Variants in TNFRSF8 observed in about 807,000 individuals in gnomAD.
TNFRSF8 encodes tumor necrosis factor receptor superfamily member 8.
In TNFRSF8, 26 loss-of-function variants were observed where a neutral mutation model predicts 70.8. The ratio of observed to expected loss-of-function variants is 0.37; its 90% CI spans 0.27 to 0.51. TNFRSF8 has a LOEUF of 0.51. TNFRSF8 is among the 20% of genes least tolerant of loss of function. The pLI is 0.94. For missense variants in TNFRSF8, 720 were observed against 807.9 expected (o/e 0.89, Z 1.32); for synonymous variants, 356 against 339.2 (o/e 1.05, Z -0.54).
chr1:12,081,657 C>CA (rs398102446), intron 1 of TNFRSF8, among the ~76,000 whole-genome samples: 47,714 of 145,594 alleles, frequency 0.33, 8,089 homozygotes, highest in African/African-American at 0.44. Context: ...TTCAGACATG[C>CA]AAAAAAAAAA....
chr1:12,111,972 G>T lies in TNFRSF8; in HGVS notation c.751G>T (p.Asp251Tyr), dbSNP rs1355794313. ...GCAGTGTGAGCCCGACTACTACCTG[G>T]ACGAGGCCGGCCGCTGCACGGCCTG... ...RKQCEPDYYL[D>Y]EAGRCTACVS... is the part of the protein sequence containing the mutation. The change falls in exon 7 of 15, where the codon GAC (aspartate) becomes TAC (tyrosine). Residue 251 changes from aspartate to tyrosine, a missense_variant. By Grantham distance (160) the Asp-to-Tyr change is radical. Transcript: ENST00000263932. 1 of 1,614,234 alleles carries T rather than the reference G, an allele frequency of 6.2e-7. No homozygotes were observed. The highest frequency in any genetic ancestry group is 1.3e-5 in the African/African-American group (1 of 75,076).
At chr1:12,137,902 T>A (rs1475521536) in intron 13 of TNFRSF8, among the ~76,000 whole-genome samples, 1 of 152,180 alleles carries the variant, frequency 6.6e-6, no homozygotes, top group Non-Finnish European at 1.5e-5. Context: ...CTCAGTTTCC[T>A]CATCTGTAAA....
chr1:12,129,991 G>A lies in TNFRSF8; in HGVS notation c.1309+3755G>A, dbSNP rs573072171. ...GTGATCTCGGCTTACTGCAACCCCC[G>A]CCTCCTGGGTTCAAGCAATTCTCCT... On this transcript the variant is annotated intron_variant, in intron 12 of 14. Transcript: ENST00000263932. Among the ~76,000 whole-genome samples, 12 of 150,456 alleles carry A rather than the reference G, an allele frequency of 8.0e-5. No homozygotes were observed. The South Asian group carries it at 1.1e-3, about 14-fold the overall frequency.
chr1:12,122,627 G>T lies in TNFRSF8; in HGVS notation c.947-657G>T, dbSNP rs549536741. Among the ~76,000 whole-genome samples, 10 of 151,980 alleles carry T rather than the reference G, an allele frequency of 6.6e-5. No individual in the cohort carries two copies. The South Asian group carries it at 2.1e-3, about 32-fold the overall frequency. On this transcript the variant is annotated intron_variant, in intron 8 of 14. Coordinates refer to ENST00000263932, the MANE Select transcript of TNFRSF8 (RefSeq NM_001243.5). The stretch of plus-strand genomic sequence containing the variant: ...GTGCCACTGCACTCCAGTCTGGGCA[G>T]CAGAGGAAGACTCAATCTCAAAAAA...
chr1:12,133,556 A>G (rs896373540), intron 12 of TNFRSF8, among the ~76,000 whole-genome samples: 1 of 151,658 alleles, frequency 6.6e-6, no homozygotes, highest in Non-Finnish European at 1.5e-5. Flanking sequence ...CCTGGCCAAC[A>G]TGGTGAAACC....
intron 8 of TNFRSF8, among the ~76,000 whole-genome samples, chr1:12,122,473 C>G (rs903556473): frequency 5.3e-5 from 8 of 151,694 alleles, no homozygotes; most frequent in Admixed American, 3.9e-4. Flanking sequence ...ATGGTGAAAC[C>G]CTGTTTCTAC....
rs57055779 is a variant in TNFRSF8, at chr1:12,119,555, C to CTTTT, written c.947-3719_947-3716dup. ...ATGAATGAAAACAGCTGTGAATATT[C>CTTTT]TTTTTTTTTTTTTAACATGTATGAA... On this transcript the variant is annotated intron_variant, in intron 8 of 14. Transcript: ENST00000263932. This position sits in a 1 kb window ranked among gnomAD's most constrained non-coding sequence, Gnocchi z 4.4. Among the ~76,000 whole-genome samples the CTTTT allele has an allele frequency of 6.8e-3, 996 of 145,906 alleles. 15 individuals carry two copies. Among genetic ancestry groups the CTTTT allele is most frequent in the African/African-American group, 0.024 (948 of 39,956 alleles).
rs78309437 is a variant in TNFRSF8 at position 12,119,571 on chromosome 1, C to T, written c.947-3713C>T. Among the ~76,000 whole-genome samples the T allele has an allele frequency of 7.7e-6, 1 of 129,236 alleles. No individual in the cohort carries two copies. Among genetic ancestry groups the T allele is most frequent in the Non-Finnish European group, 1.6e-5 (1 of 60,714 alleles). 84.8% of individuals were successfully genotyped at this position (129,236 alleles called of 152,430 possible). A position where few individuals can be genotyped will look rare whatever the true frequency, so the allele number is the denominator to read the frequency against. Reference sequence around the variant, plus strand: ...GTGAATATTCTTTTTTTTTTTTTAACATGTATGAATTTATCTTATATCTTT... The same window carrying T: ...GTGAATATTCTTTTTTTTTTTTTAATATGTATGAATTTATCTTATATCTTT... On this transcript the variant is annotated intron_variant, in intron 8 of 14. Transcript: ENST00000263932. The surrounding 1 kb of genome is among the most constrained non-coding windows in gnomAD (Gnocchi z 4.4).
chr1:12,126,350 G>A, intron 12 of TNFRSF8, 114 bp downstream of exon 12: 1 of 1,241,572 alleles, frequency 8.1e-7, no homozygotes, highest in East Asian at 2.3e-5. Flanking sequence ...GAAGCTCCCT[G>A]TCTGTGGCTC....
In TNFRSF8 at chr1:12,110,047, C is replaced by T. The variant is rs1294678411; in HGVS notation, c.519C>T (p.Thr173=). 2 of 1,612,862 alleles carry T rather than the reference C, an allele frequency of 1.2e-6. No individual in the cohort carries two copies. The highest frequency in any genetic ancestry group is 1.3e-5 in the African/African-American group (1 of 75,026). ...PENCKEPSSG[T]IPQAKPTPVS... ...TCTCTGGCTTCTTCCCCAGTGGCAC[C>T]ATCCCCCAGGCCAAGCCCACCCCGG... Residue 173 remains threonine (T), a synonymous_variant, in exon 6 of 15, where the codon ACC becomes ACT. Coordinates refer to ENST00000263932, the MANE Select transcript of TNFRSF8 (RefSeq NM_001243.5). This position sits in a 1 kb window ranked among gnomAD's most constrained non-coding sequence, Gnocchi z 4.0.
rs772329722 is a variant in TNFRSF8 at position 12,126,181 on chromosome 1, A to G, written c.1256-2A>G. ...CCAGCCTTCCTCCTGGTGTCGTTTC[A>G]GAGCTCCACCTGTGCTACCCGGTCC... is the stretch of plus-strand genomic sequence containing the variant. On this transcript the variant is annotated splice_acceptor_variant, in intron 11 of 14. Coordinates refer to ENST00000263932, the MANE Select transcript of TNFRSF8 (RefSeq NM_001243.5). LOFTEE classifies it high-confidence loss of function. 1 of 1,614,008 alleles carries G rather than the reference A, an allele frequency of 6.2e-7. No individual in the cohort carries two copies. Among genetic ancestry groups the G allele is most frequent in the Non-Finnish European group, 8.5e-7 (1 of 1,179,988 alleles).
rs566077810 is a variant in TNFRSF8 at position 12,140,093 on chromosome 1, C to T, written c.1543+1657C>T. On this transcript the variant is annotated intron_variant, in intron 14 of 14. Transcript: ENST00000263932. ...TCTGAGTCCACACTGAGTACAGTGC[C>T]TGGAATCCCAGGGGTGGGGTTCAGA... Among the ~76,000 whole-genome samples, 70 of 152,352 alleles carry T rather than the reference C, an allele frequency of 4.6e-4. 1 individual carries two copies. Among genetic ancestry groups the T allele is most frequent in the African/African-American group, 1.5e-3 (62 of 41,594 alleles).
At chr1:12,101,413 C>G (rs1641420882) in intron 3 of TNFRSF8, among the ~76,000 whole-genome samples, 1 of 145,296 alleles carries the variant, frequency 6.9e-6, no homozygotes, top group African/African-American at 2.7e-5. Flanking sequence ...GGCAACAGAG[C>G]AAGACCCTGT....
At chr1:12,111,251 G>A (rs1169953254) in intron 6 of TNFRSF8, among the ~76,000 whole-genome samples, 18 of 151,894 alleles carry the variant, frequency 1.2e-4, no homozygotes, top group African/African-American at 4.3e-4. Flanking sequence ...GCGTGATCTC[G>A]GCTCACTGCA....
Position 12,141,779 on chromosome 1 carries a change from G to GT in TNFRSF8, c.1544-499dup, listed in dbSNP as rs78925221. Among the ~76,000 whole-genome samples, 4 of 151,962 alleles carry GT rather than the reference G, an allele frequency of 2.6e-5. No individual in the cohort carries two copies. Among genetic ancestry groups the GT allele is most frequent in the African/African-American group, 9.7e-5 (4 of 41,398 alleles). On this transcript the variant is annotated intron_variant, in intron 14 of 14. Coordinates refer to ENST00000263932, the MANE Select transcript of TNFRSF8 (RefSeq NM_001243.5). The surrounding 1 kb of genome is among the most constrained non-coding windows in gnomAD (Gnocchi z 5.4). ...AAAGGGCCACCAGGCGGAGTGGGTG[G>GT]TTTTTTTTTGGGGGATTTCTCCTAA...
At chr1:12,069,313 G>A (rs1027965259) in intron 1 of TNFRSF8, among the ~76,000 whole-genome samples, 3 of 151,096 alleles carry the variant, frequency 2.0e-5, no homozygotes, top group African/African-American at 7.3e-5. Context: ...CAAGTAGCTG[G>A]GATTACAGGT....
chr1:12,071,301 T>C (rs1402615361), intron 1 of TNFRSF8, among the ~76,000 whole-genome samples: 1 of 152,102 alleles, frequency 6.6e-6, no homozygotes, highest in Non-Finnish European at 1.5e-5. Flanking sequence ...TAGCCAGGTG[T>C]GGCGGTGTGT....
In TNFRSF8 at chr1:12,109,486, C is replaced by T; in HGVS notation, c.422-80C>T. ...CCAAGGGCCCCATCTCCGACTCTGG[C>T]CTGTGGTAGTGAAGGGTGTATTCCG... On this transcript the variant is annotated intron_variant, in intron 4 of 14. Coordinates refer to ENST00000263932, the MANE Select transcript of TNFRSF8 (RefSeq NM_001243.5). This position sits in a 1 kb window ranked among gnomAD's most constrained non-coding sequence, Gnocchi z 4.4. 8.3e-7 allele frequency: 1 copy of T among 1,200,686 alleles called. No individual in the cohort carries two copies. The highest frequency in any genetic ancestry group is 1.2e-6 in the Non-Finnish European group (1 of 829,910). 74.4% of individuals were successfully genotyped at this position (1,200,686 alleles called of 1,614,324 possible).
Position 12,109,963 on chromosome 1 carries a change from G to A in TNFRSF8, c.513-78G>A. 6.5e-7 allele frequency: 1 copy of A among 1,526,788 alleles called. No homozygotes were observed. The highest frequency in any genetic ancestry group is 8.9e-7 in the Non-Finnish European group (1 of 1,125,708). The allele number at this position is 1,526,788 out of a possible 1,614,324, so 94.6% of individuals were successfully genotyped here. The stretch of plus-strand genomic sequence containing the variant: ...AAGGGCCTGGGACCCCATCTCTGTG[G>A]AAACTGTTACTCGTGAGCACAGGCC... On this transcript the variant is annotated intron_variant, in intron 5 of 14. Coordinates refer to ENST00000263932, the MANE Select transcript of TNFRSF8 (RefSeq NM_001243.5). The surrounding 1 kb of genome is among the most constrained non-coding windows in gnomAD (Gnocchi z 4.4).
Sources: allele counts gnomAD v4.1 joint callset (sites outside exome capture counted in the v4.1 genomes callset), GRCh38; gene constraint gnomAD v4.1.1; non-coding constraint Gnocchi (gnomAD v3.1); transcripts MANE v1.5; gene names NCBI Gene and HGNC (gene_info 2026-07-23, HGNC 2026-07-21).